The following RPS6KC1 variants were observed in gnomAD, a reference collection of about 807,000 sequenced individuals.
The protein encoded by RPS6KC1 is ribosomal protein S6 kinase C1, also known as inactive ribosomal protein S6 kinase delta-1.
Under a neutral mutation model 103.8 loss-of-function variants are expected in RPS6KC1, and 54 were observed. That is an observed-to-expected ratio of 0.52 (90% CI 0.42 to 0.65). The LOEUF is 0.65. Among genes scored for constraint, RPS6KC1 ranks in the 30% least tolerant of loss-of-function variants. The pLI is 0.00. For missense variants in RPS6KC1, 1,151 were observed against 1,253.8 expected (o/e 0.92, Z 1.24); for synonymous variants, 439 against 438.7 (o/e 1.00, Z -0.01).
At chr1:213,643,465 T>A in the RPS6KC1 span, among the ~76,000 whole-genome samples, 1 of 151,942 alleles carries the variant, frequency 6.6e-6, no homozygotes, top group African/African-American at 2.4e-5. Context: ...ATGGGAATGC[T>A]GTTGATTTTT....
chr1:213,088,604 C>T (rs942015097), intron 3 of RPS6KC1, among the ~76,000 whole-genome samples: 3 of 152,104 alleles, frequency 2.0e-5, no homozygotes, highest in African/African-American at 4.8e-5. Flanking sequence ...GTGATCTGTC[C>T]GCCTCAGCCT....
intron 14 of RPS6KC1, among the ~76,000 whole-genome samples, chr1:213,271,901 A>G (rs1046371404): frequency 1.3e-5 from 2 of 152,214 alleles, no homozygotes; most frequent in Non-Finnish European, 1.5e-5. Context: ...AAAGTTGTTA[A>G]CACAAAAATT....
chr1:213,566,437 G>GTTTTTTTTTTTTTTTT, the RPS6KC1 span, among the ~76,000 whole-genome samples: 9 of 48,526 alleles, frequency 1.9e-4, no homozygotes, highest in Admixed American at 2.8e-4. Context: ...TCAGCCTTTA[G>GTTTTTTTTTTTTTTTT]TTTTTTTTTT....
intron 8 of RPS6KC1, among the ~76,000 whole-genome samples, chr1:213,201,421 A>G (rs189154990): frequency 6.6e-6 from 1 of 152,336 alleles, no homozygotes; most frequent in Non-Finnish European, 1.5e-5. Flanking sequence ...TGGAGACAGT[A>G]AAAAGGTTAG....
At chr1:213,823,726 C>CCACACACACACACACACACACACA in the RPS6KC1 span, among the ~76,000 whole-genome samples, 339 of 146,362 alleles carry the variant, frequency 2.3e-3, 1 homozygote, top group African/African-American at 2.7e-3. Flanking sequence ...GCTATCACAG[C>CCACACACACACACACACACACACA]CACACACACA....
the RPS6KC1 span, among the ~76,000 whole-genome samples, chr1:213,720,053 G>A: frequency 6.6e-6 from 1 of 151,834 alleles, no homozygotes; most frequent in Admixed American, 6.6e-5. Flanking sequence ...AGGATTTGAC[G>A]TTCAATAGAT....
chr1:213,535,138 TTTAGAC>T, the RPS6KC1 span, among the ~76,000 whole-genome samples: 1 of 152,206 alleles, frequency 6.6e-6, no homozygotes, highest in Admixed American at 6.5e-5. Flanking sequence ...TTAATTCCTC[TTTAGAC>T]ATTGGGCCCA....
chr1:213,150,526 C>T (rs922908889), intron 6 of RPS6KC1, among the ~76,000 whole-genome samples: 6 of 150,340 alleles, frequency 4.0e-5, no homozygotes, highest in South Asian at 2.1e-4. Context: ...TTAACGAGCA[C>T]GCTGCCTTCA....
chr1:213,224,586 A>G (rs112447955), intron 8 of RPS6KC1, among the ~76,000 whole-genome samples: 1,602 of 152,346 alleles, frequency 0.011, 31 homozygotes, highest in African/African-American at 0.036. Context: ...TTATCATGAA[A>G]TAAAAGATTG....
chr1:213,854,359 T>C, the RPS6KC1 span, among the ~76,000 whole-genome samples: 1 of 152,250 alleles, frequency 6.6e-6, no homozygotes, highest in African/African-American at 2.4e-5. Context: ...CAAAATGTTC[T>C]TTCCCCACTG....
chr1:213,363,489 G>C, the RPS6KC1 span, among the ~76,000 whole-genome samples: 2 of 152,206 alleles, frequency 1.3e-5, no homozygotes, highest in Non-Finnish European at 2.9e-5. Context: ...TGCAAGAGGG[G>C]CTGCTGCATC....
the RPS6KC1 span, among the ~76,000 whole-genome samples, chr1:213,642,000 G>A: frequency 6.6e-6 from 1 of 152,058 alleles, no homozygotes; most frequent in African/African-American, 2.4e-5. Flanking sequence ...TGCCTGGTGG[G>A]TGTGCAAGAG....
intron 3 of RPS6KC1, among the ~76,000 whole-genome samples, chr1:213,098,527 G>T (rs146296906): frequency 2.0e-5 from 3 of 151,936 alleles, no homozygotes; most frequent in Non-Finnish European, 2.9e-5. Context: ...AGGTTAATTG[G>T]TGTACTTTCA....
At chr1:213,630,036 T>C in the RPS6KC1 span, among the ~76,000 whole-genome samples, 1 of 152,154 alleles carries the variant, frequency 6.6e-6, no homozygotes, top group Non-Finnish European at 1.5e-5. Flanking sequence ...TCATTTCAAC[T>C]TTGGTGAATC....
the RPS6KC1 span, among the ~76,000 whole-genome samples, chr1:213,615,834 C>T: frequency 6.6e-6 from 1 of 152,258 alleles, no homozygotes; most frequent in South Asian, 2.1e-4. Context: ...TGCCAGTCTC[C>T]ATGGGGACTT....
chr1:213,469,068 C>T, the RPS6KC1 span, among the ~76,000 whole-genome samples: 29 of 152,152 alleles, frequency 1.9e-4, no homozygotes, highest in African/African-American at 6.8e-4. Flanking sequence ...CCCGCTGTCC[C>T]CTTTAATGCC....
At chr1:213,471,310 T>C in the RPS6KC1 span, among the ~76,000 whole-genome samples, 7 of 152,238 alleles carry the variant, frequency 4.6e-5, no homozygotes, top group African/African-American at 1.4e-4. Context: ...CAAGGAACTC[T>C]GGGGTTTTTT....
chr1:213,668,400 G>A, the RPS6KC1 span, among the ~76,000 whole-genome samples: 866 of 63,804 alleles, frequency 0.014, 17 homozygotes, highest in Middle Eastern at 0.068. Context: ...TCCCCCCGCC[G>A]CACCACCCCC....
the RPS6KC1 span, among the ~76,000 whole-genome samples, chr1:213,525,853 G>T: frequency 6.6e-6 from 1 of 152,152 alleles, no homozygotes; most frequent in Non-Finnish European, 1.5e-5. Context: ...TCAGTAGAGT[G>T]GTGGGGGGAA....
Sources: allele counts gnomAD v4.1 joint callset (sites outside exome capture counted in the v4.1 genomes callset), GRCh38; gene constraint gnomAD v4.1.1; transcripts MANE v1.5; gene names NCBI Gene and HGNC (gene_info 2026-07-23, HGNC 2026-07-21).